SGCZ: variants seen among roughly 807,000 people sequenced by gnomAD.
SGCZ encodes the protein sarcoglycan zeta.
Under a neutral mutation model 41.3 loss-of-function variants are expected in SGCZ, and 40 were observed. The observed-to-expected ratio is 0.97, with a 90% CI of 0.75 to 1.26. SGCZ has a LOEUF of 1.26. SGCZ is among the 50% of genes most tolerant of loss of function. The pLI is 0.00. For missense variants in SGCZ, 552 were observed against 369.8 expected (o/e 1.49, Z -4.04); for synonymous variants, 206 against 137.5 (o/e 1.50, Z -3.49).
intron 2 of SGCZ, among the ~76,000 whole-genome samples, chr8:14,424,408 T>A (rs966071253): frequency 6.6e-5 from 10 of 152,324 alleles, no homozygotes; most frequent in Admixed American, 5.9e-4. Flanking sequence ...GGGTCTTCCA[T>A]CTATGTGCTA....
Position 14,140,779 on chromosome 8 carries a change from C to G in SGCZ, c.547+23801G>C, listed in dbSNP as rs1469243297. On this transcript the variant is annotated intron_variant, in intron 5 of 7. Coordinates refer to ENST00000382080, the MANE Select transcript of SGCZ (RefSeq NM_139167.4). ...TTTATAGATTCAATGCCATCCCCAT[C>G]AAGCTACCAATGCCTTTCTTCACAG... 8.5e-5 allele frequency among the ~76,000 whole-genome samples: 13 copies of G among 152,158 alleles called. 1 individual carries two copies. Among genetic ancestry groups the G allele is most frequent in the Admixed American group, 8.5e-4 (13 of 15,280 alleles).
intron 2 of SGCZ, among the ~76,000 whole-genome samples, chr8:14,469,930 A>T (rs1194630107): frequency 1.3e-5 from 2 of 152,106 alleles, no homozygotes; most frequent in Admixed American, 6.6e-5. Flanking sequence ...TTTATAATAA[A>T]CCAGTAAATG....
chr8:14,676,848 G>A (rs571345779), intron 1 of SGCZ, among the ~76,000 whole-genome samples: 16 of 152,154 alleles, frequency 1.1e-4, no homozygotes, highest in Admixed American at 2.0e-4. Flanking sequence ...AAAACGTACA[G>A]CTAACACCAT....
intron 1 of SGCZ, among the ~76,000 whole-genome samples, chr8:14,672,564 T>C (rs1178431843): frequency 3.3e-5 from 5 of 152,134 alleles, no homozygotes; most frequent in Non-Finnish European, 2.9e-5. Context: ...CCACCTACAG[T>C]AGGTGCTGTA....
intron 1 of SGCZ, among the ~76,000 whole-genome samples, chr8:14,582,610 A>G (rs1804928219): frequency 6.7e-6 from 1 of 148,580 alleles, no homozygotes; most frequent in Non-Finnish European, 1.5e-5. Context: ...GCTGCCCATT[A>G]ACTCGTCATT....
At chr8:14,932,392 A>G (rs1361331424) in intron 1 of SGCZ, among the ~76,000 whole-genome samples, 2 of 152,012 alleles carry the variant, frequency 1.3e-5, no homozygotes, top group Non-Finnish European at 2.9e-5. Context: ...TAAATGCAAA[A>G]TGTCTCTTTC....
intron 1 of SGCZ, among the ~76,000 whole-genome samples, chr8:14,563,983 A>G (rs1291975986): frequency 6.6e-6 from 1 of 152,080 alleles, no homozygotes; most frequent in Non-Finnish European, 1.5e-5. Context: ...ACAGTAAATT[A>G]TTTGCTCTTC....
At chr8:14,686,921 C>A (rs1808629213) in intron 1 of SGCZ, among the ~76,000 whole-genome samples, 1 of 151,848 alleles carries the variant, frequency 6.6e-6, no homozygotes, top group Non-Finnish European at 1.5e-5. Flanking sequence ...AACTGGGTCC[C>A]TGAATTGTAC....
intron 1 of SGCZ, among the ~76,000 whole-genome samples, chr8:14,639,824 T>A (rs76678829): frequency 0.11 from 16,271 of 151,330 alleles, 1,062 homozygotes; most frequent in African/African-American, 0.19. Context: ...AAATTATGAG[T>A]TAATGTGATT....
intron 1 of SGCZ, among the ~76,000 whole-genome samples, chr8:14,630,185 T>C (rs1345018644): frequency 6.6e-6 from 1 of 152,082 alleles, no homozygotes; most frequent in Non-Finnish European, 1.5e-5. Flanking sequence ...TATAGTATGC[T>C]CCTCATGTGG....
In SGCZ at chr8:14,256,137, C is replaced by T. The variant is rs116023593; in HGVS notation, c.337-18458G>A. 1.3e-3 allele frequency among the ~76,000 whole-genome samples: 205 copies of T among 152,228 alleles called. 2 individuals are homozygous for T. The highest frequency in any genetic ancestry group is 4.8e-3 in the African/African-American group (200 of 41,554). Reference sequence around the variant, plus strand: ...TGGGATACTTGATAGATGGCAGAAGCATATGATATATAAAATGCTTTCTTT... The same window carrying T: ...TGGGATACTTGATAGATGGCAGAAGTATATGATATATAAAATGCTTTCTTT... On this transcript the variant is annotated intron_variant, in intron 3 of 7. Transcript: ENST00000382080.
At chr8:14,463,355 A>T (rs1450637737) in intron 2 of SGCZ, among the ~76,000 whole-genome samples, 1 of 151,270 alleles carries the variant, frequency 6.6e-6, no homozygotes, top group Non-Finnish European at 1.5e-5. Context: ...TGGAATAAAC[A>T]CAGGCATGTA....
At chr8:14,800,786 T>G (rs1272110247) in intron 1 of SGCZ, among the ~76,000 whole-genome samples, 1 of 152,212 alleles carries the variant, frequency 6.6e-6, no homozygotes, top group Admixed American at 6.5e-5. Context: ...CAGTGTCTAG[T>G]ATGTTTTATA....
intron 1 of SGCZ, among the ~76,000 whole-genome samples, chr8:14,597,135 G>C (rs989090473): frequency 1.3e-5 from 2 of 152,130 alleles, no homozygotes; most frequent in Non-Finnish European, 2.9e-5. Context: ...ACTATTGTTA[G>C]AATACGTTAA....
intron 1 of SGCZ, among the ~76,000 whole-genome samples, chr8:15,107,610 T>A: frequency 6.6e-6 from 1 of 152,206 alleles, no homozygotes; most frequent in Non-Finnish European, 1.5e-5. Context: ...CCATGTTTCT[T>A]GAACTTCCCA....
At chr8:15,167,038 A>C (rs924678769) in intron 1 of SGCZ, among the ~76,000 whole-genome samples, 1 of 152,010 alleles carries the variant, frequency 6.6e-6, no homozygotes, top group Admixed American at 6.6e-5. Context: ...AGAGTCAAGG[A>C]AACTTATTTT....
intron 1 of SGCZ, among the ~76,000 whole-genome samples, chr8:14,758,644 A>C (rs369023966): frequency 1.3e-5 from 2 of 152,236 alleles, no homozygotes; most frequent in African/African-American, 4.8e-5. Context: ...ATTGGTGCAC[A>C]GTCAAATAAT....
intron 2 of SGCZ, among the ~76,000 whole-genome samples, chr8:14,355,282 T>C (rs1404899256): frequency 6.6e-6 from 1 of 152,106 alleles, no homozygotes; most frequent in African/African-American, 2.4e-5. Flanking sequence ...TTTATTTGTA[T>C]TTAAAAACTC....
At chr8:14,256,745 C>G (rs1799479893) in intron 3 of SGCZ, among the ~76,000 whole-genome samples, 1 of 152,150 alleles carries the variant, frequency 6.6e-6, no homozygotes, top group Admixed American at 6.5e-5. Context: ...TCTCATTTCT[C>G]AATTACATGA....
Sources: gnomAD v4.1 joint callset for allele counts (sites outside exome capture counted in the v4.1 genomes callset) on GRCh38, gnomAD v4.1.1 for gene constraint, MANE v1.5 for transcripts, NCBI Gene and HGNC (gene_info 2026-07-23, HGNC 2026-07-21) for gene names.